Variants in PCLO observed in about 807,000 individuals in gnomAD.
PCLO encodes the protein piccolo presynaptic cytomatrix protein.
PCLO carries 82 observed loss-of-function variants against 427.5 expected under a neutral mutation model. The observed-to-expected ratio is 0.19, with a 90% confidence interval of 0.16 to 0.23. The LOEUF (loss-of-function observed/expected upper bound fraction) is 0.23, where lower values mean the gene tolerates loss of function less well. PCLO is among the 10% of genes least tolerant of loss of function. The pLI is 1.00. For missense variants in PCLO, 6,239 were observed against 6,115.9 expected (o/e 1.02, Z -0.67); for synonymous variants, 2,357 against 2,155.4 (o/e 1.09, Z -2.59).
chr7:83,059,190 C>T (rs1789476141), intron 3 of PCLO, among the ~76,000 whole-genome samples: 1 of 149,934 alleles, frequency 6.7e-6, no homozygotes, highest in Admixed American at 6.7e-5. Context: ...CTTACCCAAT[C>T]CTCTAAGTTA....
intron 16 of PCLO, 64 bp downstream of exon 16, chr7:82,835,603 A>C: frequency 7.3e-7 from 1 of 1,373,076 alleles, no homozygotes; most frequent in Non-Finnish European, 1.0e-6. Context: ...TGTACATAAA[A>C]ATGCCAAAAG....
At position 82,841,456 on chromosome 7, in the gene PCLO, T is replaced by G. The variant is rs1313857642; in HGVS notation, c.14097+3A>C. ...AATGGCGACTTTTTAAAAAACTTCA[T>G]ACCTGAATTTCTCCTGTAATTGGAT... On this transcript the variant is annotated splice_donor_region_variant and intron_variant, in intron 14 of 24. Coordinates refer to ENST00000333891, the MANE Select transcript of PCLO (RefSeq NM_033026.6). 6.3e-7 allele frequency: 1 copy of G among 1,594,692 alleles called. No homozygotes were observed. The highest frequency in any genetic ancestry group is 8.6e-7 in the Non-Finnish European group (1 of 1,163,474).
intron 3 of PCLO, among the ~76,000 whole-genome samples, chr7:83,030,667 TC>T (rs890244988): frequency 4.6e-5 from 7 of 152,146 alleles, no homozygotes; most frequent in African/African-American, 7.2e-5. Flanking sequence ...TTGTTTTAAA[TC>T]AAAATTAGTG....
Position 82,955,700 on chromosome 7 carries a change from C to G in PCLO, c.5253G>C (p.Glu1751Asp). 1 of 1,613,896 alleles carries G rather than the reference C, an allele frequency of 6.2e-7. No individual in the cohort carries two copies. Among genetic ancestry groups the G allele is most frequent in the South Asian group, 1.1e-5 (1 of 91,084 alleles). The stretch of plus-strand genomic sequence containing the variant: ...GCCGAGCTTTGCGTTGCTGTTTGCT[C>G]TCTCCTTTTTTGTGACTCGGGCTAC... The part of the protein sequence containing the change: ...SDSSPSHKKG[E>D]SKQQRKARHR... The change falls in exon 5 of 25, where the codon GAG becomes GAC. Residue 1751 changes from glutamate (E) to aspartate (D), a missense_variant. Around this residue, in one of 5 missense-constraint regions of PCLO, gnomAD observed 4,677 missense variants for 4,468.4 expected, o/e 1.05. Coordinates refer to ENST00000333891, the MANE Select transcript of PCLO (RefSeq NM_033026.6).
At chr7:82,838,742 T>A (rs568986299) in intron 14 of PCLO, among the ~76,000 whole-genome samples, 1 of 152,108 alleles carries the variant, frequency 6.6e-6, no homozygotes, top group East Asian at 1.9e-4. Flanking sequence ...TATAAAGTAT[T>A]ATTTGCATTT....
chr7:83,117,257 G>A (rs1009246310), intron 3 of PCLO, among the ~76,000 whole-genome samples: 1 of 152,130 alleles, frequency 6.6e-6, no homozygotes, highest in Admixed American at 6.6e-5. Context: ...AGAGTCTCTT[G>A]GGGTAGGATT....
At chr7:82,983,599 G>T (rs1464760456) in intron 3 of PCLO, among the ~76,000 whole-genome samples, 3 of 148,962 alleles carry the variant, frequency 2.0e-5, no homozygotes, top group African/African-American at 7.3e-5. Context: ...AGCCAAAATG[G>T]TAAGTTTTTA....
rs1367913663 is a variant in PCLO, at chr7:83,030,363, T to G, written c.3301-63876A>C. Among the ~76,000 whole-genome samples the G allele has an allele frequency of 2.0e-5, 3 of 152,126 alleles. No individual in the cohort carries two copies. The East Asian group carries it at 5.8e-4, about 29-fold the overall frequency. Reference sequence around the variant, plus strand: ...AATAAATGCTAGGATTTCATCAAAATTAGAGGACAGTAGATATATTAGACA... The same window carrying G: ...AATAAATGCTAGGATTTCATCAAAAGTAGAGGACAGTAGATATATTAGACA... On this transcript the variant is annotated intron_variant, in intron 3 of 24. Coordinates refer to ENST00000333891, the MANE Select transcript of PCLO (RefSeq NM_033026.6).
chr7:82,899,014 A>G (rs1318743746), intron 9 of PCLO, among the ~76,000 whole-genome samples: 2 of 151,420 alleles, frequency 1.3e-5, no homozygotes, highest in African/African-American at 2.4e-5. Flanking sequence ...ATTGTATTAT[A>G]GAACAATGCT....
At chr7:82,795,395 A>G (rs1200466102) in intron 22 of PCLO, among the ~76,000 whole-genome samples, 1 of 152,328 alleles carries the variant, frequency 6.6e-6, no homozygotes, top group East Asian at 1.9e-4. Flanking sequence ...TTGGCAAGCT[A>G]CATAGCACCT....
At position 83,147,226 on chromosome 7, in the gene PCLO, A is replaced by C. The variant is rs145733187; in HGVS notation, c.1893+7522T>G. ...TGCAAACTGGATCACATCAAAGATGAGAGCTAAACAGAGTGTTTGTAAACG... is the reference window on the plus strand; with the variant it reads ...TGCAAACTGGATCACATCAAAGATGCGAGCTAAACAGAGTGTTTGTAAACG... On this transcript the variant is annotated intron_variant, in intron 2 of 24. Coordinates refer to ENST00000333891, the MANE Select transcript of PCLO (RefSeq NM_033026.6). 4.4e-3 allele frequency among the ~76,000 whole-genome samples: 675 copies of C among 152,290 alleles called. 8 individuals are homozygous for C. The highest frequency in any genetic ancestry group is 0.016 in the African/African-American group (647 of 41,578).
intron 9 of PCLO, chr7:82,880,403 A>G: frequency 2.4e-6 from 1 of 411,364 alleles, no homozygotes; most frequent in South Asian, 1.8e-5. Context: ...ATATTTGAAT[A>G]GCTCTATTCT....
At chr7:83,018,552 A>G (rs1357176307) in intron 3 of PCLO, among the ~76,000 whole-genome samples, 1 of 152,036 alleles carries the variant, frequency 6.6e-6, no homozygotes, top group African/African-American at 2.4e-5. Flanking sequence ...TACATCTGAC[A>G]AAATTATATA....
In PCLO at chr7:82,846,575, G is replaced by T; in HGVS notation, c.13823C>A (p.Pro4608Gln). Residue 4608 changes from proline (P) to glutamine (Q), a missense_variant, in exon 12 of 25, where the codon CCA becomes CAA. Physicochemically the swap from Pro to Gln is moderately conservative, Grantham distance 76. Coordinates refer to ENST00000333891, the MANE Select transcript of PCLO (RefSeq NM_033026.6). Reference protein sequence around the residue: ...NSQHLELHEPPKAVDKAKSPG... With the variant: ...NSQHLELHEPQKAVDKAKSPG... Reference sequence around the variant, plus strand: ...AGATTTCTTTTACCTACCAGCTTTTGGTGGCTCATGAAGTTCCAGATGCTG... The same window carrying T: ...AGATTTCTTTTACCTACCAGCTTTTTGTGGCTCATGAAGTTCCAGATGCTG... 2 of 1,603,784 alleles carry T rather than the reference G, an allele frequency of 1.2e-6. No homozygotes were observed. The highest frequency in any genetic ancestry group is 2.2e-5 in the South Asian group (2 of 90,144).
At chr7:83,044,352 T>C (rs1321389239) in intron 3 of PCLO, among the ~76,000 whole-genome samples, 1 of 152,164 alleles carries the variant, frequency 6.6e-6, no homozygotes, top group East Asian at 1.9e-4. Flanking sequence ...AGTATAATAA[T>C]TTGTGAGAAA....
chr7:82,885,752 C>T (rs1411613831), intron 9 of PCLO, among the ~76,000 whole-genome samples: 1 of 150,470 alleles, frequency 6.6e-6, no homozygotes, highest in Non-Finnish European at 1.5e-5. Context: ...TTTAAAATTA[C>T]ATTATCTCAT....
chr7:82,826,672 A>G lies in PCLO; in HGVS notation c.14344-12T>C, dbSNP rs186749799. On this transcript the variant is annotated splice_polypyrimidine_tract_variant and intron_variant, in intron 17 of 24. Transcript: ENST00000333891. Reference sequence around the variant, plus strand: ...GTTTTCTTCTTGAGCTATATAGTTCAAATAGAAATCTAATTAAACCTATCT... The same window carrying G: ...GTTTTCTTCTTGAGCTATATAGTTCGAATAGAAATCTAATTAAACCTATCT... 7.5e-5 allele frequency: 115 copies of G among 1,528,856 alleles called. No individual in the cohort carries two copies. The African/African-American group carries it at 1.3e-3, about 17-fold the overall frequency. The allele number at this position is 1,528,856 out of a possible 1,614,324, so 94.7% of individuals were successfully genotyped here. A position where few individuals can be genotyped will look rare whatever the true frequency, so the allele number is the denominator to read the frequency against.
chr7:83,132,977 T>C (rs1022066463), intron 3 of PCLO, among the ~76,000 whole-genome samples: 5 of 151,990 alleles, frequency 3.3e-5, no homozygotes, highest in Non-Finnish European at 7.4e-5. Context: ...TTACCACTCA[T>C]GAAGTCCTAA....
chr7:82,958,695 T>A (rs1406574984), intron 4 of PCLO, among the ~76,000 whole-genome samples: 1 of 152,162 alleles, frequency 6.6e-6, no homozygotes, highest in African/African-American at 2.4e-5. Context: ...AAGAATTTCT[T>A]ATCTGCAGTT....
Sources: allele counts gnomAD v4.1 joint callset (sites outside exome capture counted in the v4.1 genomes callset), GRCh38; gene constraint gnomAD v4.1.1; regional missense constraint gnomAD v4.1.1; transcripts MANE v1.5; gene names NCBI Gene and HGNC (gene_info 2026-07-23, HGNC 2026-07-21).